Variants in NPHP1 observed in about 807,000 individuals in gnomAD.
The protein encoded by NPHP1 is nephrocystin 1, also known as nephrocystin-1.
In NPHP1, 70 loss-of-function variants were observed where a neutral mutation model predicts 90.4. The ratio of observed to expected loss-of-function variants is 0.77; its 90% CI spans 0.64 to 0.95. The LOEUF (loss-of-function observed/expected upper bound fraction) is 0.95, where lower values mean the gene tolerates loss of function less well. NPHP1 is among the 40% of genes least tolerant of loss of function. The pLI, the probability that NPHP1 is intolerant of heterozygous loss-of-function variation, is 0.00. For missense variants in NPHP1, 764 were observed against 795.9 expected (o/e 0.96, Z 0.48); for synonymous variants, 256 against 271.7 (o/e 0.94, Z 0.57).
At chr2:110,140,113 T>C (rs1360787779) in intron 16 of NPHP1, among the ~76,000 whole-genome samples, 1 of 150,034 alleles carries the variant, frequency 6.7e-6, no homozygotes, top group East Asian at 2.0e-4. Flanking sequence ...CAGCCTGGAG[T>C]TGCACCAGCA....
chr2:110,200,512 G>A (rs1351047813), intron 2 of NPHP1, among the ~76,000 whole-genome samples: 4 of 152,022 alleles, frequency 2.6e-5, no homozygotes, highest in Admixed American at 6.6e-5. Flanking sequence ...GCAATGAGCC[G>A]AGATTGCGCC....
intron 18 of NPHP1, 38 bp downstream of exon 18, chr2:110,129,148 T>C: frequency 6.6e-7 from 1 of 1,522,184 alleles, no homozygotes; most frequent in Non-Finnish European, 9.1e-7. Flanking sequence ...ACTGCTTCCA[T>C]AAGCCAGCAG....
Position 110,163,100 on chromosome 2 carries a change from T to C in NPHP1, c.807A>G (p.Gly269=). Residue 269 remains glycine, a synonymous_variant, in exon 9 of 20, where the codon GGA becomes GGG. Transcript: ENST00000445609. Reference sequence around the variant, plus strand: ...AAGGCCTGAACCCTGCAGGAATAGCTCCCATCGTAGTTAACACATCAACAG... The same window carrying C: ...AAGGCCTGAACCCTGCAGGAATAGCCCCCATCGTAGTTAACACATCAACAG... ...INTVDVLTTM[G]AIPAGFRPST... is the part of the protein sequence containing the mutation. 6.2e-7 allele frequency: 1 copy of C among 1,613,576 alleles called. No homozygotes were observed. The highest frequency in any genetic ancestry group is 2.2e-5 in the East Asian group (1 of 44,872).
chr2:110,161,591 A>C lies in NPHP1; in HGVS notation c.954+12T>G. 1 of 1,547,204 alleles carries C rather than the reference A, an allele frequency of 6.5e-7. No individual in the cohort carries two copies. Among genetic ancestry groups the C allele is most frequent in the Non-Finnish European group, 8.9e-7 (1 of 1,120,128 alleles). ...GAAGAGTTACACTTTTACTGATAGT[A>C]ACTATACTTACAGTGCCTTCTGTAG... is the stretch of plus-strand genomic sequence containing the variant. On this transcript the variant is annotated intron_variant, in intron 10 of 19. Coordinates refer to ENST00000445609, the MANE Select transcript of NPHP1 (RefSeq NM_001128178.3).
chr2:110,196,553 G>T (rs1407400514), intron 2 of NPHP1, among the ~76,000 whole-genome samples: 1 of 152,132 alleles, frequency 6.6e-6, no homozygotes, highest in Non-Finnish European at 1.5e-5. Context: ...TACACTGTTG[G>T]TGGGACTGTA....
chr2:110,175,299 C>T (rs1264577243), intron 4 of NPHP1, among the ~76,000 whole-genome samples: 1 of 152,090 alleles, frequency 6.6e-6, no homozygotes, highest in Non-Finnish European at 1.5e-5. Context: ...TACCCACGTA[C>T]CCATCTTCTT....
intron 2 of NPHP1, among the ~76,000 whole-genome samples, chr2:110,181,155 C>T (rs547557008): frequency 1.8e-4 from 28 of 152,254 alleles, no homozygotes; most frequent in Admixed American, 5.2e-4. Context: ...TCCAAGTTAC[C>T]GGGGCAGGGG....
chr2:110,138,914 T>C (rs904387944), intron 16 of NPHP1, among the ~76,000 whole-genome samples: 2 of 152,090 alleles, frequency 1.3e-5, no homozygotes, highest in Non-Finnish European at 2.9e-5. Context: ...GCAATGCTGC[T>C]TGCCCTTTAT....
At chr2:110,152,565 A>G (rs1455632033) in intron 11 of NPHP1, among the ~76,000 whole-genome samples, 1 of 149,598 alleles carries the variant, frequency 6.7e-6, no homozygotes, top group Non-Finnish European at 1.5e-5. Flanking sequence ...AGAGAAATAG[A>G]TATTGCTTTA....
At chr2:110,142,509 T>A (rs1231814025) in intron 16 of NPHP1, among the ~76,000 whole-genome samples, 3 of 151,018 alleles carry the variant, frequency 2.0e-5, no homozygotes, top group Admixed American at 6.6e-5. Context: ...TGCATCACCA[T>A]ACCCAGCTAA....
chr2:110,197,504 G>A (rs997300251), intron 2 of NPHP1, among the ~76,000 whole-genome samples: 1 of 152,046 alleles, frequency 6.6e-6, no homozygotes, highest in Non-Finnish European at 1.5e-5. Flanking sequence ...GGGTGAGCAG[G>A]GGGCCCACGG....
In NPHP1 at chr2:110,143,676, T is replaced by C. The variant is rs375028290; in HGVS notation, c.1430-35A>G. 2.8e-6 allele frequency: 4 copies of C among 1,412,842 alleles called. No individual in the cohort carries two copies. The African/African-American group carries it at 5.6e-5, about 20-fold the overall frequency. The allele number at this position is 1,412,842 out of a possible 1,614,324, so 87.5% of individuals were successfully genotyped here. A position where few individuals can be genotyped will look rare whatever the true frequency, so the allele number is the denominator to read the frequency against. ...AAAATCAAAAGTAACTCACGAAACT[T>C]TAAGTACTTGAGACAGTGAGTATAA... On this transcript the variant is annotated intron_variant, in intron 15 of 19. Coordinates refer to ENST00000445609, the MANE Select transcript of NPHP1 (RefSeq NM_001128178.3).
chr2:110,176,238 T>A (rs982383712), intron 4 of NPHP1, among the ~76,000 whole-genome samples: 1 of 152,148 alleles, frequency 6.6e-6, no homozygotes. Context: ...ATATGTTGAA[T>A]CAGATTTTGG....
chr2:110,164,725 T>A lies in NPHP1; in HGVS notation c.734A>T (p.Asp245Val). 1.2e-6 allele frequency: 2 copies of A among 1,613,832 alleles called. No individual in the cohort carries two copies. The highest frequency in any genetic ancestry group is 1.7e-6 in the Non-Finnish European group (2 of 1,179,770). Residue 245 changes from aspartate (D) to valine (V), a missense_variant, in exon 8 of 20, where the codon GAT (aspartate) becomes GTT (valine). Transcript: ENST00000445609. ...TTTCTGAACAGCACTCCAGTGGGGATCAGTTCTGGGGAGACAAAATAGCAA... is the reference window on the plus strand; with the variant it reads ...TTTCTGAACAGCACTCCAGTGGGGAACAGTTCTGGGGAGACAAAATAGCAA... ...ADGAEVKQRTDPHWSAVQKAI... is the reference protein window; with the variant it reads ...ADGAEVKQRTVPHWSAVQKAI...
At chr2:110,197,820 C>G (rs1213658077) in intron 2 of NPHP1, among the ~76,000 whole-genome samples, 2 of 152,140 alleles carry the variant, frequency 1.3e-5, no homozygotes, top group Non-Finnish European at 2.9e-5. Flanking sequence ...CCAAAAAAAT[C>G]TCTACTGAAA....
intron 13 of NPHP1, 32 bp from the exon 14 acceptor site, chr2:110,146,867 G>C (rs765480167): frequency 1.3e-6 from 2 of 1,494,340 alleles, no homozygotes; most frequent in African/African-American, 1.4e-5. Context: ...TGAAACTTAA[G>C]GTCTGAACTA....
In NPHP1 at chr2:110,165,610, A is replaced by G. The variant is rs190154044; in HGVS notation, c.625-455T>C. ...GAAACACTGACAGATTTAGCTACAT[A>G]ATAAATAAACATGACCTAAAGTCAA... On this transcript the variant is annotated intron_variant, in intron 6 of 19. Transcript: ENST00000445609. Among the ~76,000 whole-genome samples the G allele has an allele frequency of 2.0e-5, 3 of 152,238 alleles. No homozygotes were observed. The East Asian group carries it at 5.8e-4, about 29-fold the overall frequency.
At chr2:110,162,510 C>T (rs1472541074) in intron 9 of NPHP1, among the ~76,000 whole-genome samples, 1 of 152,102 alleles carries the variant, frequency 6.6e-6, no homozygotes, top group Non-Finnish European at 1.5e-5. Flanking sequence ...CAGGACACCC[C>T]TTGTCCCCCA....
In NPHP1 at chr2:110,178,468, T is replaced by C. The variant is rs770505694; in HGVS notation, c.284A>G (p.Gln95Arg). Residue 95 changes from glutamine (Q) to arginine (R), a missense_variant, in exon 4 of 20, where the codon CAA (glutamine) becomes CGA (arginine). Coordinates refer to ENST00000445609, the MANE Select transcript of NPHP1 (RefSeq NM_001128178.3). Reference sequence around the variant, plus strand: ...TATTGTCACAGCAAGGCCCTGCAGTTGTTGGGTAAGCTTGTCCAAAAGAGT... The same window carrying C: ...TATTGTCACAGCAAGGCCCTGCAGTCGTTGGGTAAGCTTGTCCAAAAGAGT... ...EHTLLDKLTQ[Q>R]LQGLAVTISR... is the part of the protein sequence containing the mutation. The C allele has an allele frequency of 6.2e-7, 1 of 1,613,956 alleles. No individual in the cohort carries two copies. Among genetic ancestry groups the C allele is most frequent in the Non-Finnish European group, 8.5e-7 (1 of 1,179,884 alleles).
Sources: allele counts gnomAD v4.1 joint callset (sites outside exome capture counted in the v4.1 genomes callset), GRCh38; gene constraint gnomAD v4.1.1; transcripts MANE v1.5; gene names NCBI Gene and HGNC (gene_info 2026-07-23, HGNC 2026-07-21).